The following IL1RL2 variants were observed in gnomAD, a reference collection of about 807,000 sequenced individuals.
IL1RL2 encodes interleukin-1 receptor-like 2.
In IL1RL2, 68 loss-of-function variants were observed where a neutral mutation model predicts 66.8. The ratio of observed to expected loss-of-function variants is 1.02; its 90% CI spans 0.84 to 1.25. IL1RL2 has a LOEUF of 1.25. Among genes scored for constraint, IL1RL2 ranks in the 50% most tolerant of loss-of-function variants. The probability of loss-of-function intolerance (pLI) is 0.00; values close to 1 mark genes in which losing one functional copy is unlikely to be tolerated. For synonymous variants in IL1RL2, 305 were observed against 264.6 expected (o/e 1.15, Z -1.48); for missense variants, 729 against 709.3 (o/e 1.03, Z -0.32).
downstream of IL1RL2, among the ~76,000 whole-genome samples, chr2:102,240,447 C>T (rs564802449): frequency 1.1e-4 from 17 of 148,264 alleles, no homozygotes; most frequent in South Asian, 2.1e-4. Context: ...CCACCGAGCC[C>T]GGTCAAGGCT....
At chr2:102,237,152 A>G (rs1253791655) in intron 11 of IL1RL2, among the ~76,000 whole-genome samples, 1 of 152,122 alleles carries the variant, frequency 6.6e-6, no homozygotes, top group Non-Finnish European at 1.5e-5. Flanking sequence ...CTCTCCCCAC[A>G]CTGTGGCTGC....
intron 11 of IL1RL2, chr2:102,235,611 C>A (rs938878727): frequency 2.0e-6 from 2 of 985,254 alleles, no homozygotes; most frequent in Admixed American, 6.2e-5. Context: ...TGGACATGCC[C>A]GGAAGTTTGC....
intron 4 of IL1RL2, among the ~76,000 whole-genome samples, chr2:102,198,382 G>A (rs1482185214): frequency 1.3e-5 from 2 of 152,150 alleles, no homozygotes; most frequent in Admixed American, 6.5e-5. Context: ...CAAGGTTTGG[G>A]TATTAAGACA....
At chr2:102,220,060 C>T (rs993788857) in intron 8 of IL1RL2, 43 bp downstream of exon 8, 30 of 1,519,896 alleles carry the variant, frequency 2.0e-5, no homozygotes, top group South Asian at 2.5e-5. Context: ...GTGTTCAAAA[C>T]GATGGCCAGG....
chr2:102,200,003 A>G (rs1688106979), intron 4 of IL1RL2, among the ~76,000 whole-genome samples: 1 of 152,020 alleles, frequency 6.6e-6, no homozygotes, highest in Admixed American at 6.6e-5. Context: ...TACTAAAAAA[A>G]CAAAAAATTG....
intron 6 of IL1RL2, among the ~76,000 whole-genome samples, chr2:102,216,054 C>G (rs981245239): frequency 6.6e-6 from 1 of 152,014 alleles, no homozygotes; most frequent in Non-Finnish European, 1.5e-5. Context: ...ATAAGATTTG[C>G]TAAATGCCTG....
intron 9 of IL1RL2, among the ~76,000 whole-genome samples, chr2:102,232,171 G>A (rs1358873730): frequency 1.3e-5 from 2 of 151,326 alleles, no homozygotes; most frequent in Non-Finnish European, 2.9e-5. Context: ...GAGTGCAATG[G>A]TGTGATCTCG....
intron 4 of IL1RL2, among the ~76,000 whole-genome samples, chr2:102,200,894 A>T (rs1485664835): frequency 1.3e-5 from 2 of 152,130 alleles, no homozygotes; most frequent in Non-Finnish European, 2.9e-5. Flanking sequence ...GTGATGTGAC[A>T]TCTGCCCACC....
chr2:102,227,771 C>T (rs905420147), intron 9 of IL1RL2, among the ~76,000 whole-genome samples: 3 of 152,176 alleles, frequency 2.0e-5, no homozygotes, highest in African/African-American at 7.2e-5. Context: ...ACGTATTCTT[C>T]CTGGAAGCTC....
chr2:102,187,618 C>T (rs1175422812), intron 1 of IL1RL2, among the ~76,000 whole-genome samples: 1 of 152,160 alleles, frequency 6.6e-6, no homozygotes, highest in African/African-American at 2.4e-5. Context: ...CCTCGCCCAT[C>T]CTCCTCTGCG....
chr2:102,221,877 A>G (rs1368940066), intron 8 of IL1RL2, among the ~76,000 whole-genome samples: 1 of 152,236 alleles, frequency 6.6e-6, no homozygotes, highest in Non-Finnish European at 1.5e-5. Context: ...TATGTGTTAT[A>G]ACATATGCAC....
intron 9 of IL1RL2, among the ~76,000 whole-genome samples, chr2:102,228,638 T>C (rs1345985748): frequency 2.6e-5 from 4 of 151,692 alleles, no homozygotes; most frequent in South Asian, 2.1e-4. Flanking sequence ...GCATGTAGGA[T>C]AGAATGGCTA....
intron 9 of IL1RL2, among the ~76,000 whole-genome samples, chr2:102,228,942 A>G (rs944086267): frequency 6.6e-6 from 1 of 151,932 alleles, no homozygotes; most frequent in Non-Finnish European, 1.5e-5. Context: ...GACTGCAACA[A>G]CTTTCCCATG....
intron 5 of IL1RL2, among the ~76,000 whole-genome samples, chr2:102,209,574 T>C (rs1038676796): frequency 3.6e-5 from 2 of 55,714 alleles, no homozygotes; most frequent in South Asian, 5.7e-4. Flanking sequence ...TATGTGAGTA[T>C]GGGGTGGGGA....
intron 8 of IL1RL2, among the ~76,000 whole-genome samples, chr2:102,225,161 CA>C (rs2104857248): frequency 6.6e-6 from 1 of 152,336 alleles, no homozygotes; most frequent in South Asian, 2.1e-4. Context: ...AACATGTTTT[CA>C]GGGACTTGAG....
chr2:102,190,155 A>G (rs529047526), intron 3 of IL1RL2, among the ~76,000 whole-genome samples: 1 of 152,352 alleles, frequency 6.6e-6, no homozygotes, highest in Non-Finnish European at 1.5e-5. Context: ...GCTGGAAAAC[A>G]CATGCCCCTC....
At chr2:102,234,227 T>G (rs1674635381) in intron 10 of IL1RL2, among the ~76,000 whole-genome samples, 1 of 152,254 alleles carries the variant, frequency 6.6e-6, no homozygotes, top group African/African-American at 2.4e-5. Flanking sequence ...TTTCCTATCC[T>G]TTTAAAATCT....
chr2:102,236,956 G>A (rs549414943), intron 11 of IL1RL2, among the ~76,000 whole-genome samples: 14 of 152,310 alleles, frequency 9.2e-5, no homozygotes, highest in South Asian at 6.2e-4. Context: ...GCTGGTCTCC[G>A]GGAAGTCAGA....
chr2:102,208,909 C>T (rs1053116832), intron 5 of IL1RL2, among the ~76,000 whole-genome samples: 4 of 152,222 alleles, frequency 2.6e-5, no homozygotes, highest in Non-Finnish European at 4.4e-5. Flanking sequence ...GGGTTTTCTG[C>T]TGACCATTAT....
Sources: gnomAD v4.1 joint callset for allele counts (sites outside exome capture counted in the v4.1 genomes callset) on GRCh38, gnomAD v4.1.1 for gene constraint, MANE v1.5 for transcripts, NCBI Gene and HGNC (gene_info 2026-07-23, HGNC 2026-07-21) for gene names.